A2M: variants seen among roughly 807,000 people sequenced by gnomAD.
A2M encodes the protein alpha-2-macroglobulin.
A neutral mutation model predicts 183.9 loss-of-function variants in A2M; 128 were observed. The ratio of observed to expected loss-of-function variants is 0.70; its 90% CI spans 0.60 to 0.81. A2M has a LOEUF of 0.81. A2M is among the 30% of genes least tolerant of loss of function. The pLI is 0.00. For missense variants in A2M, 1,495 were observed against 1,787.6 expected (o/e 0.84, Z 2.95); for synonymous variants, 592 against 670.8 (o/e 0.88, Z 1.81).
At chr12:9,103,836 G>A (rs746634466) in intron 11 of A2M, among the ~76,000 whole-genome samples, 5 of 152,200 alleles carry the variant, frequency 3.3e-5, no homozygotes, top group African/African-American at 9.6e-5. Context: ...GGGTAGCCTC[G>A]ATCTCTCAGC....
At chr12:9,097,875 T>C (rs1031684422) in intron 15 of A2M, among the ~76,000 whole-genome samples, 1 of 152,198 alleles carries the variant, frequency 6.6e-6, no homozygotes, top group African/African-American at 2.4e-5. Context: ...TCAAGTTATC[T>C]GCCTGCCTTG....
In A2M at chr12:9,114,074, C is replaced by T. The variant is rs181281768; in HGVS notation, c.87-531G>A. ...GAGCCTCAAAGAAAGTGAGCCATTA[C>T]TTCACAGTCTCAGTTGTGGTAAGCA... On this transcript the variant is annotated intron_variant, in intron 1 of 35. Coordinates refer to ENST00000318602, the MANE Select transcript of A2M (RefSeq NM_000014.6). Among the ~76,000 whole-genome samples the T allele has an allele frequency of 4.3e-4, 66 of 152,322 alleles. 1 individual carries two copies. In the East Asian group the frequency reaches 0.013, roughly 29 times the overall value.
rs1190202015 is a variant in A2M, at chr12:9,067,828, C to T, written c.4420G>A (p.Ala1474Thr). ...ACTTTTCAGCCTTGTGGTCTTCAAG[C>T]ATTTCCAAGATCTGTGACATTGGAA... ...NAPCSKDLGNA is the reference protein window; with the variant it reads ...NAPCSKDLGNT The change falls in exon 36 of 36, where the codon GCT becomes ACT. Residue 1474 changes from alanine (A) to threonine (T), a missense_variant. Coordinates refer to ENST00000318602, the MANE Select transcript of A2M (RefSeq NM_000014.6). 6.2e-7 allele frequency: 1 copy of T among 1,612,644 alleles called. No individual in the cohort carries two copies. The highest frequency in any genetic ancestry group is 2.2e-5 in the East Asian group (1 of 44,888).
intron 22 of A2M, among the ~76,000 whole-genome samples, chr12:9,083,124 G>A (rs1354773158): frequency 2.0e-5 from 3 of 152,216 alleles, no homozygotes; most frequent in African/African-American, 7.2e-5. Flanking sequence ...ATCATTCTCA[G>A]CAAACTATTG....
At chr12:9,068,678 C>A in intron 34 of A2M, 62 bp downstream of exon 34, 1 of 1,352,902 alleles carries the variant, frequency 7.4e-7, no homozygotes, top group Non-Finnish European at 1.0e-6. Flanking sequence ...AACACATCTC[C>A]TAAACCTGAA....
In A2M at chr12:9,101,520, T is replaced by A. The variant is rs1281503490; in HGVS notation, c.1421A>T (p.Gln474Leu). 1 of 1,613,908 alleles carries A rather than the reference T, an allele frequency of 6.2e-7. No homozygotes were observed. The change falls in exon 12 of 36, where the codon CAG becomes CTG. Residue 474 changes from glutamine (Q) to leucine (L), a missense_variant. Coordinates refer to ENST00000318602, the MANE Select transcript of A2M (RefSeq NM_000014.6). Reference sequence around the variant, plus strand: ...CAGAATATAATGTGCCTGGACTGTCTGAGTATGGCCACAGGGTAGTTCATG... The same window carrying A: ...CAGAATATAATGTGCCTGGACTGTCAGAGTATGGCCACAGGGTAGTTCATG... ...MSHELPCGHT[Q>L]TVQAHYILNG... is the part of the protein sequence containing the mutation.
intron 8 of A2M, 143 bp downstream of exon 8, chr12:9,107,381 T>C: frequency 9.8e-7 from 1 of 1,015,740 alleles, no homozygotes; most frequent in Non-Finnish European, 1.4e-6. Context: ...GCTAAGTTCA[T>C]GATTTTTTTT....
Position 9,112,366 on chromosome 12 carries a change from C to T in A2M, c.430+11G>A. On this transcript the variant is annotated intron_variant, in intron 3 of 35. Coordinates refer to ENST00000318602, the MANE Select transcript of A2M (RefSeq NM_000014.6). Reference sequence around the variant, plus strand: ...TTTTTGAAGTTGTCCTGTCTGTAGGCTTCTTCATACCTGTCTGCCCTGGTT... The same window carrying T: ...TTTTTGAAGTTGTCCTGTCTGTAGGTTTCTTCATACCTGTCTGCCCTGGTT... 6.2e-7 allele frequency: 1 copy of T among 1,611,734 alleles called. No homozygotes were observed. Among genetic ancestry groups the T allele is most frequent in the Non-Finnish European group, 8.5e-7 (1 of 1,178,226 alleles).
At chr12:9,082,805 A>C (rs1948944546) in intron 22 of A2M, among the ~76,000 whole-genome samples, 1 of 152,230 alleles carries the variant, frequency 6.6e-6, no homozygotes, top group Non-Finnish European at 1.5e-5. Flanking sequence ...AATTAAATGA[A>C]ATTTGCAAAA....
At chr12:9,068,062 G>A in intron 35 of A2M, 121 bp downstream of exon 35, 1 of 1,186,454 alleles carries the variant, frequency 8.4e-7, no homozygotes, top group Non-Finnish European at 1.2e-6. Flanking sequence ...CTATAATAAT[G>A]TGCAGTGTGA....
chr12:9,101,238 T>C (rs770071570), intron 12 of A2M, 31 bp from the exon 13 acceptor site: 1 of 1,549,012 alleles, frequency 6.5e-7, no homozygotes. Flanking sequence ...AGAAATTAAA[T>C]GTGCCAGAGA....
At chr12:9,097,528 A>G (rs1037188848) in intron 15 of A2M, among the ~76,000 whole-genome samples, 21 of 152,206 alleles carry the variant, frequency 1.4e-4, no homozygotes, top group South Asian at 1.2e-3. Context: ...TGTCAATTAT[A>G]TAGTAGTTCA....
intron 22 of A2M, among the ~76,000 whole-genome samples, chr12:9,080,816 G>C (rs6487584): frequency 6.6e-6 from 1 of 151,758 alleles, no homozygotes; most frequent in Non-Finnish European, 1.5e-5. Context: ...AGAGAAGTAT[G>C]GTATTTATTT....
At chr12:9,082,225 T>C (rs1361142462) in intron 22 of A2M, among the ~76,000 whole-genome samples, 1 of 152,222 alleles carries the variant, frequency 6.6e-6, no homozygotes, top group African/African-American at 2.4e-5. Context: ...TATTTATTTC[T>C]GCCCATCCCA....
At chr12:9,091,022 G>T (rs1169232992) in intron 19 of A2M, among the ~76,000 whole-genome samples, 179 bp downstream of exon 19, 1 of 152,128 alleles carries the variant, frequency 6.6e-6, no homozygotes, top group Non-Finnish European at 1.5e-5. Flanking sequence ...GGTTATAAGG[G>T]CTAGAAACTT....
chr12:9,081,489 G>A (rs1487316548), intron 22 of A2M, among the ~76,000 whole-genome samples: 3 of 152,168 alleles, frequency 2.0e-5, no homozygotes, highest in Admixed American at 6.5e-5. Context: ...TCCCTCCACA[G>A]AAAGTCCAAC....
chr12:9,104,212 T>A, intron 11 of A2M, 27 bp downstream of exon 11: 1 of 1,598,800 alleles, frequency 6.3e-7, no homozygotes, highest in Non-Finnish European at 8.5e-7. Flanking sequence ...CTACTTCATG[T>A]CATTGGTAAT....
chr12:9,083,446 TA>T (rs1399036103), intron 22 of A2M, among the ~76,000 whole-genome samples: 2 of 148,398 alleles, frequency 1.3e-5, no homozygotes, highest in Non-Finnish European at 3.0e-5. Context: ...AAATAAAAAA[TA>T]AATAGAAACA....
chr12:9,069,114 C>G (rs1039078758), intron 33 of A2M: 4 of 258,818 alleles, frequency 1.5e-5, no homozygotes, highest in African/African-American at 6.7e-5. Flanking sequence ...TATTGGATGA[C>G]TAACTGTGTT....
Sources: allele counts gnomAD v4.1 joint callset (sites outside exome capture counted in the v4.1 genomes callset), GRCh38; gene constraint gnomAD v4.1.1; transcripts MANE v1.5; gene names NCBI Gene and HGNC (gene_info 2026-07-23, HGNC 2026-07-21).